FLYWCH2: variants seen among roughly 807,000 people sequenced by gnomAD.
FLYWCH2 encodes FLYWCH family member 2.
Under a neutral mutation model 6.0 loss-of-function variants are expected in FLYWCH2, and 2 were observed. That is an observed-to-expected ratio of 0.33 (90% CI 0.14 to 1.04). The LOEUF (loss-of-function observed/expected upper bound fraction) is 1.04, where lower values mean the gene tolerates loss of function less well. Among genes scored for constraint, FLYWCH2 ranks in the 50% least tolerant of loss-of-function variants. The pLI, the probability that FLYWCH2 is intolerant of heterozygous loss-of-function variation, is 0.45. For synonymous variants in FLYWCH2, 87 were observed against 79.3 expected (o/e 1.10, Z -0.52); for missense variants, 192 against 183.4 (o/e 1.05, Z -0.27).
intron 1 of FLYWCH2, among the ~76,000 whole-genome samples, chr16:2,891,609 G>T (rs1473264233): frequency 6.6e-6 from 1 of 152,054 alleles, no homozygotes; most frequent in Non-Finnish European, 1.5e-5. Flanking sequence ...GTTTCACCGT[G>T]TTAGCCAGGA....
intron 2 of FLYWCH2, among the ~76,000 whole-genome samples, 193 bp downstream of exon 2, chr16:2,895,513 G>T (rs1430718161): frequency 6.6e-6 from 1 of 152,240 alleles, no homozygotes; most frequent in Non-Finnish European, 1.5e-5. Context: ...ACTCGGAGAG[G>T]TTGAGGCAGG....
At chr16:2,884,497 C>G (rs538111578) in intron 1 of FLYWCH2, among the ~76,000 whole-genome samples, 2 of 127,630 alleles carry the variant, frequency 1.6e-5, no homozygotes, top group Non-Finnish European at 3.2e-5. Flanking sequence ...CCGAGGCAGG[C>G]AGATCACAAG....
chr16:2,885,693 C>G (rs992265854), intron 1 of FLYWCH2, among the ~76,000 whole-genome samples: 1 of 152,194 alleles, frequency 6.6e-6, no homozygotes, highest in African/African-American at 2.4e-5. Flanking sequence ...TATACATGCA[C>G]CACATTGTAC....
intron 1 of FLYWCH2, among the ~76,000 whole-genome samples, chr16:2,887,842 C>G (rs997593550): frequency 9.2e-5 from 14 of 151,936 alleles, no homozygotes; most frequent in African/African-American, 3.4e-4. Flanking sequence ...ACTGGAATTA[C>G]AAGCATGAGC....
At chr16:2,895,978 C>T (rs1460874954) in intron 2 of FLYWCH2, among the ~76,000 whole-genome samples, 4 of 152,192 alleles carry the variant, frequency 2.6e-5, no homozygotes, top group African/African-American at 9.6e-5. Flanking sequence ...GAACAGCCTG[C>T]TGTCATAACA....
intron 1 of FLYWCH2, among the ~76,000 whole-genome samples, chr16:2,892,926 A>G (rs974475794): frequency 9.5e-5 from 14 of 147,946 alleles, no homozygotes; most frequent in African/African-American, 2.5e-4. Flanking sequence ...TATATATGTC[A>G]TATATATACC....
At chr16:2,886,624 CA>C (rs1450755532) in intron 1 of FLYWCH2, among the ~76,000 whole-genome samples, 1 of 138,862 alleles carries the variant, frequency 7.2e-6, no homozygotes, top group Non-Finnish European at 1.5e-5. Flanking sequence ...TGGGTTCAAG[CA>C]ATTCTCCTGT....
At chr16:2,897,019 C>T in intron 3 of FLYWCH2, 1 of 567,540 alleles carries the variant, frequency 1.8e-6, no homozygotes, top group Non-Finnish European at 3.1e-6. Flanking sequence ...TGCCTACTGG[C>T]TCCTTCACAA....
chr16:2,890,266 T>G (rs2069741990), intron 1 of FLYWCH2, among the ~76,000 whole-genome samples: 1 of 151,958 alleles, frequency 6.6e-6, no homozygotes, highest in Non-Finnish European at 1.5e-5. Flanking sequence ...TTGGTTTTTT[T>G]GAGTTGGAGT....
chr16:2,884,403 T>C (rs1478305562), intron 1 of FLYWCH2, among the ~76,000 whole-genome samples: 2 of 151,828 alleles, frequency 1.3e-5, no homozygotes, highest in Non-Finnish European at 2.9e-5. Flanking sequence ...TAGTTTCCTG[T>C]TGCTGTCCTA....
At chr16:2,893,493 T>C (rs1219244150) in intron 1 of FLYWCH2, among the ~76,000 whole-genome samples, 2 of 152,226 alleles carry the variant, frequency 1.3e-5, no homozygotes, top group African/African-American at 4.8e-5. Flanking sequence ...CCCTTCTTGT[T>C]ACAGCTTAAC....
At chr16:2,898,483 G>A (rs1293650652) in intron 3 of FLYWCH2, among the ~76,000 whole-genome samples, 1 of 152,196 alleles carries the variant, frequency 6.6e-6, no homozygotes, top group Non-Finnish European at 1.5e-5. Context: ...CCACCAGGAG[G>A]TCCCTGCAGA....
chr16:2,886,621 A>T (rs527245311), intron 1 of FLYWCH2, among the ~76,000 whole-genome samples: 1 of 140,032 alleles, frequency 7.1e-6, no homozygotes, highest in East Asian at 2.1e-4. Context: ...TCCTGGGTTC[A>T]AGCAATTCTC....
intron 1 of FLYWCH2, among the ~76,000 whole-genome samples, chr16:2,889,234 G>A (rs12924476): frequency 0.3 from 41,136 of 138,540 alleles, 6,589 homozygotes; most frequent in South Asian, 0.5. Flanking sequence ...TTTTTGAGAC[G>A]GAGTCTCGCT....
intron 3 of FLYWCH2, 165 bp downstream of exon 3, chr16:2,896,936 G>A (rs1449104714): frequency 2.9e-6 from 2 of 697,436 alleles, no homozygotes; most frequent in Admixed American, 3.0e-5. Context: ...ACAGGCCTGG[G>A]CATCCGCCGA....
chr16:2,893,824 G>T (rs1276247895), intron 1 of FLYWCH2, among the ~76,000 whole-genome samples: 1 of 151,812 alleles, frequency 6.6e-6, no homozygotes, highest in Non-Finnish European at 1.5e-5. Flanking sequence ...TTTTTTAGTG[G>T]AGACGGGGTT....
intron 2 of FLYWCH2, among the ~76,000 whole-genome samples, chr16:2,895,823 G>C (rs1475145616): frequency 6.6e-6 from 1 of 152,226 alleles, no homozygotes; most frequent in Non-Finnish European, 1.5e-5. Flanking sequence ...TTGGTGCCCA[G>C]GGACACTGAT....
At chr16:2,893,494 A>T (rs1040379699) in intron 1 of FLYWCH2, among the ~76,000 whole-genome samples, 3 of 152,256 alleles carry the variant, frequency 2.0e-5, no homozygotes, top group Admixed American at 2.0e-4. Context: ...CCTTCTTGTT[A>T]CAGCTTAACG....
chr16:2,897,300 C>T (rs962703255), intron 3 of FLYWCH2, among the ~76,000 whole-genome samples: 4 of 152,164 alleles, frequency 2.6e-5, no homozygotes, highest in African/African-American at 4.8e-5. Context: ...CCTGGCTCTC[C>T]GGGACTGCCC....
Sources: gnomAD v4.1 joint callset for allele counts (sites outside exome capture counted in the v4.1 genomes callset) on GRCh38, gnomAD v4.1.1 for gene constraint, MANE v1.5 for transcripts, NCBI Gene and HGNC (gene_info 2026-07-23, HGNC 2026-07-21) for gene names.